Variants in INTS6 observed in about 807,000 individuals in gnomAD.
The protein encoded by INTS6 is integrator complex subunit 6.
In INTS6, 16 loss-of-function variants were observed where a neutral mutation model predicts 104.9. The ratio of observed to expected loss-of-function variants is 0.15; its 90% CI spans 0.10 to 0.23. The LOEUF (loss-of-function observed/expected upper bound fraction) is 0.23. Among genes scored for constraint, INTS6 ranks in the 10% least tolerant of loss-of-function variants. The probability of loss-of-function intolerance (pLI) is 1.00; values close to 1 mark genes in which losing one functional copy is unlikely to be tolerated. For synonymous variants in INTS6, 324 were observed against 358.7 expected (o/e 0.90, Z 1.09); for missense variants, 584 against 1,062.8 (o/e 0.55, Z 6.26).
chr13:51,404,434 A>AAC (rs1956518575), intron 4 of INTS6, among the ~76,000 whole-genome samples: 3 of 152,140 alleles, frequency 2.0e-5, no homozygotes, highest in Admixed American at 6.5e-5. Flanking sequence ...CTGTGTGTGT[A>AAC]ACCAGTTCAT....
At chr13:51,449,350 T>C (rs1566256850) in intron 3 of INTS6, 1 of 508,276 alleles carries the variant, frequency 2.0e-6, no homozygotes, top group East Asian at 1.5e-4. Context: ...TCCCGCAAAC[T>C]TTTGGTAAGC....
At chr13:51,343,942 GC>G in the INTS6 span, among the ~76,000 whole-genome samples, 1 of 152,148 alleles carries the variant, frequency 6.6e-6, no homozygotes, top group Non-Finnish European at 1.5e-5. Flanking sequence ...CCTTCCTAAA[GC>G]AGAAAATTAA....
chr13:51,421,230 G>A (rs1956890918), intron 4 of INTS6: 1 of 985,410 alleles, frequency 1.0e-6, no homozygotes, highest in Admixed American at 6.2e-5. Context: ...CCAGGATCAG[G>A]TCGATCCTGT....
the INTS6 span, among the ~76,000 whole-genome samples, chr13:51,349,053 T>G: frequency 2.0e-5 from 3 of 152,210 alleles, no homozygotes; most frequent in South Asian, 6.2e-4. Flanking sequence ...GCAAAACTCA[T>G]AACTTTACAA....
downstream of INTS6, among the ~76,000 whole-genome samples, chr13:51,351,603 T>C (rs1435623560): frequency 2.0e-5 from 3 of 152,142 alleles, no homozygotes; most frequent in Non-Finnish European, 4.4e-5. Context: ...TTCTCAATGG[T>C]GTCCTTTGAA....
At chr13:51,352,523 T>C (rs1955415444), downstream of INTS6, among the ~76,000 whole-genome samples, 1 of 152,004 alleles carries the variant, frequency 6.6e-6, no homozygotes, top group South Asian at 2.1e-4. Flanking sequence ...TAAGACCAAG[T>C]CATCTGTGAA....
chr13:51,452,760 G>C lies in INTS6; in HGVS notation c.-235C>G. 8.1e-7 allele frequency: 1 copy of C among 1,230,792 alleles called. No homozygotes were observed. The highest frequency in any genetic ancestry group is 1.0e-6 in the Non-Finnish European group (1 of 980,828). The allele number at this position is 1,230,792 out of a possible 1,614,324, so 76.2% of individuals were successfully genotyped here. On this transcript the variant is annotated 5_prime_UTR_variant, in exon 1 of 18. Coordinates refer to ENST00000311234, the MANE Select transcript of INTS6 (RefSeq NM_012141.3). The surrounding 1 kb of genome is among the most constrained non-coding windows in gnomAD (Gnocchi z 4.2). The stretch of plus-strand genomic sequence containing the variant: ...CCCCCGCCTCCGCCTCCTCCTGCCT[G>C]CCTGCCCGCTGGGGCGGGCGCCCAG...
chr13:51,355,239 T>C (rs9596506), intron 3 of INTS6: 249,088 of 525,004 alleles, frequency 0.47, 52,237 homozygotes, highest in African/African-American at 0.67. Flanking sequence ...GTCAACATTA[T>C]GTAAAAGAAT....
rs757489824 is a variant in INTS6, at chr13:51,452,527, G to A, written c.-2C>T. On this transcript the variant is annotated 5_prime_UTR_variant, in exon 1 of 18. Transcript: ENST00000311234. This position sits in a 1 kb window ranked among gnomAD's most constrained non-coding sequence, Gnocchi z 4.2. Reference sequence around the variant, plus strand: ...TATCAGGAACAGTAAGATGGGCATAGTGCTGGCCGGGGACACCGGGGCCCG... The same window carrying A: ...TATCAGGAACAGTAAGATGGGCATAATGCTGGCCGGGGACACCGGGGCCCG... The A allele has an allele frequency of 8.7e-6, 14 of 1,610,468 alleles. No individual in the cohort carries two copies. The highest frequency in any genetic ancestry group is 5.0e-5 in the Admixed American group (3 of 59,884).
the INTS6 span, chr13:51,348,272 A>G: frequency 6.2e-7 from 1 of 1,610,104 alleles, no homozygotes; most frequent in Non-Finnish European, 8.5e-7. Flanking sequence ...TTACCTGGGA[A>G]GTGCAGTGAG....
At chr13:51,440,697 A>C (rs1385112194) in intron 3 of INTS6, 2 of 152,228 alleles carry the variant, frequency 1.3e-5, no homozygotes, top group Admixed American at 6.5e-5. Flanking sequence ...TGCCTAGAGC[A>C]ATCAGTACAG....
chr13:51,364,328 A>C lies in INTS6; in HGVS notation c.*1424T>G, dbSNP rs903661610. On this transcript the variant is annotated 3_prime_UTR_variant, in exon 18 of 18. Transcript: ENST00000311234. ...TCAATGCTTTTCTTCATAAAGTTAT[A>C]ATTTCATTTTGCTATACCCTTGAAA... 1 of 1,166,876 alleles carries C rather than the reference A, an allele frequency of 8.6e-7. No homozygotes were observed. Among genetic ancestry groups the C allele is most frequent in the African/African-American group, 1.6e-5 (1 of 64,138 alleles). 72.3% of individuals were successfully genotyped at this position (1,166,876 alleles called of 1,614,324 possible). A position where few individuals can be genotyped will look rare whatever the true frequency, so the allele number is the denominator to read the frequency against.
chr13:51,395,167 A>G lies in INTS6; in HGVS notation c.613+133T>C. The G allele has an allele frequency of 4.9e-6, 4 of 810,094 alleles. No homozygotes were observed. The South Asian group carries it at 8.1e-5, about 16-fold the overall frequency. The allele number at this position is 810,094 out of a possible 1,614,324, so 50.2% of individuals were successfully genotyped here. ...ACCATTAGCAATAAATGTACTATTAAAAGCATATATGCCTAATTCCTAATA... is the reference window on the plus strand; with the variant it reads ...ACCATTAGCAATAAATGTACTATTAGAAGCATATATGCCTAATTCCTAATA... On this transcript the variant is annotated intron_variant, in intron 5 of 17. Transcript: ENST00000311234.
At chr13:51,401,299 G>T (rs1339329863) in intron 4 of INTS6, among the ~76,000 whole-genome samples, 1 of 151,928 alleles carries the variant, frequency 6.6e-6, no homozygotes, top group Non-Finnish European at 1.5e-5. Flanking sequence ...TAGGCTCTGA[G>T]GATTTAAAGA....
chr13:51,448,265 T>C (rs1952964573), intron 3 of INTS6: 1 of 152,220 alleles, frequency 6.6e-6, no homozygotes, highest in South Asian at 2.1e-4. Context: ...AAAACTTATG[T>C]ATCAAATTTA....
At chr13:51,450,994 A>G (rs757388081) in intron 3 of INTS6, 31 bp downstream of exon 3, 1 of 1,464,556 alleles carries the variant, frequency 6.8e-7, no homozygotes. Context: ...ATGAAAAATC[A>G]ACTATTTTGC....
the INTS6 span, chr13:51,344,481 T>G: frequency 6.4e-7 from 1 of 1,571,876 alleles, no homozygotes; most frequent in African/African-American, 1.4e-5. Context: ...CCAGAGAGAC[T>G]GCAGGTAAAA....
At chr13:51,414,763 A>C (rs1327049822) in intron 4 of INTS6, among the ~76,000 whole-genome samples, 1 of 151,774 alleles carries the variant, frequency 6.6e-6, no homozygotes, top group Non-Finnish European at 1.5e-5. Flanking sequence ...AAAATATGTA[A>C]GTACTATCAG....
chr13:51,425,063 C>T (rs567044921), intron 4 of INTS6, among the ~76,000 whole-genome samples: 1 of 152,096 alleles, frequency 6.6e-6, no homozygotes, highest in Admixed American at 6.5e-5. Flanking sequence ...TTAATCATTT[C>T]AGATACTAGA....
Sources: gnomAD v4.1 joint callset for allele counts (sites outside exome capture counted in the v4.1 genomes callset) on GRCh38, gnomAD v4.1.1 for gene constraint, Gnocchi (gnomAD v3.1) non-coding constraint, MANE v1.5 for transcripts, NCBI Gene and HGNC (gene_info 2026-07-23, HGNC 2026-07-21) for gene names.